Variants in NELFA observed in about 807,000 individuals in gnomAD.
NELFA encodes negative elongation factor A.
A neutral mutation model predicts 51.8 loss-of-function variants in NELFA; 35 were observed. That is an observed-to-expected ratio of 0.68 (90% confidence interval 0.52 to 0.90). The LOEUF (loss-of-function observed/expected upper bound fraction) is 0.90. Among genes scored for constraint, NELFA ranks in the 40% least tolerant of loss-of-function variants. The pLI, the probability that NELFA is intolerant of heterozygous loss-of-function variation, is 0.00. For synonymous variants in NELFA, 417 were observed against 338.4 expected, an observed-to-expected ratio of 1.23 and a Z score of -2.55; for missense variants, 658 against 746.4, an observed-to-expected ratio of 0.88 and a Z score of 1.38.
At chr4:2,006,134 A>G (rs1728704133) in intron 1 of NELFA, among the ~76,000 whole-genome samples, 1 of 152,254 alleles carries the variant, frequency 6.6e-6, no homozygotes, top group African/African-American at 2.4e-5. Flanking sequence ...GGTTATTAGC[A>G]CATCGATATG....
In NELFA at chr4:1,983,410, G is replaced by T. The variant is rs1467044454; in HGVS notation, c.1496C>A (p.Thr499Asn). ...CTCAAACACTGTGTCCACCAGCATG[G>T]TTGTGCTACCCTGGCCGTCCGCCTT... is the stretch of plus-strand genomic sequence containing the variant. ...LPKADGQGST[T>N]MLVDTVFEMN... Residue 499 changes from threonine (T) to asparagine (N), a missense_variant, in exon 11 of 11, where the codon ACC becomes AAC. By Grantham distance (65) the Thr-to-Asn change is moderately conservative (BLOSUM62 0). This residue lies in a region of NELFA where 87 missense variants were observed against 130.2 expected (regional missense o/e 0.67). Transcript: ENST00000382882. The T allele has an allele frequency of 6.2e-7, 1 of 1,614,224 alleles. No homozygotes were observed. The highest frequency in any genetic ancestry group is 8.5e-7 in the Non-Finnish European group (1 of 1,180,046).
intron 4 of NELFA, among the ~76,000 whole-genome samples, chr4:1,986,882 C>T (rs1384712763): frequency 2.6e-5 from 4 of 152,164 alleles, no homozygotes; most frequent in African/African-American, 9.7e-5. Context: ...GGAGAGAGGA[C>T]GCCCGGGGGA....
intron 1 of NELFA, among the ~76,000 whole-genome samples, chr4:2,000,519 A>T (rs1198088567): frequency 1.3e-5 from 2 of 152,186 alleles, no homozygotes; most frequent in African/African-American, 4.8e-5. Context: ...AATACTATAA[A>T]CACCTCTACA....
intron 1 of NELFA, among the ~76,000 whole-genome samples, chr4:2,005,211 C>G (rs564507418): frequency 4.6e-5 from 7 of 151,868 alleles, no homozygotes; most frequent in Non-Finnish European, 8.8e-5. Flanking sequence ...TTAAAGACAA[C>G]AGGAAACATA....
chr4:1,984,959 T>A, intron 7 of NELFA, 40 bp from the exon 8 acceptor site: 1 of 1,450,178 alleles, frequency 6.9e-7, no homozygotes, highest in South Asian at 1.3e-5. Flanking sequence ...GAAGAGGCCA[T>A]GCTTCCGGCA....
In NELFA at chr4:1,982,755, GATAGTT is replaced by G. The variant is rs1320815423; in HGVS notation, c.*558_*563del. ...AGAAAAGCTCGACTTTAATGGTTCAGATAGTTTTACAATGAAAATAGGTACCCAAAG... is the reference window on the plus strand; with the variant it reads ...AGAAAAGCTCGACTTTAATGGTTCAGTTACAATGAAAATAGGTACCCAAAG... On this transcript the variant is annotated 3_prime_UTR_variant, in exon 11 of 11. Coordinates refer to ENST00000382882, the MANE Select transcript of NELFA (RefSeq NM_005663.5). The G allele has an allele frequency of 6.6e-6, 1 of 152,448 alleles. No homozygotes were observed. Among genetic ancestry groups the G allele is most frequent in the Non-Finnish European group, 1.5e-5 (1 of 68,048 alleles). The allele number at this position is 152,448 out of a possible 1,614,324, so 9.4% of individuals were successfully genotyped here. A position where few individuals can be genotyped will look rare whatever the true frequency, so the allele number is the denominator to read the frequency against.
chr4:1,986,087 C>G (rs2234566), intron 6 of NELFA, 27 bp downstream of exon 6: 103 of 1,548,414 alleles, frequency 6.7e-5, no homozygotes, highest in Middle Eastern at 5.0e-4. Flanking sequence ...CCCCCATTGC[C>G]GCCGACACGC....
intron 2 of NELFA, among the ~76,000 whole-genome samples, 155 bp downstream of exon 2, chr4:1,991,389 T>C (rs895794592): frequency 2.0e-5 from 3 of 152,132 alleles, no homozygotes; most frequent in Non-Finnish European, 4.4e-5. Context: ...GGCAGCAGCT[T>C]ACGGGGGAGG....
chr4:1,983,598 C>T lies in NELFA; in HGVS notation c.1400G>A (p.Arg467Gln), dbSNP rs1381568009. ...ALILGFMAGS[R>Q]ENPCQEQGDV... ...CAGGCCCTGCCTTATGAACATACCT[C>T]GGGAGCCGGCCATGAAGCCCAGGAT... is the stretch of plus-strand genomic sequence containing the variant. Residue 467 changes from arginine to glutamine, a missense_variant and splice_region_variant, in exon 10 of 11, where the codon CGA becomes CAA. Arg to Gln is a conservative substitution (Grantham distance 43). This residue lies in a region of NELFA where 87 missense variants were observed against 130.2 expected (regional missense o/e 0.67). Coordinates refer to ENST00000382882, the MANE Select transcript of NELFA (RefSeq NM_005663.5). 2 of 1,613,798 alleles carry T rather than the reference C, an allele frequency of 1.2e-6. No individual in the cohort carries two copies. Among genetic ancestry groups the T allele is most frequent in the Non-Finnish European group, 8.5e-7 (1 of 1,179,946 alleles).
chr4:2,004,998 C>T (rs1272336937), intron 1 of NELFA, among the ~76,000 whole-genome samples: 2 of 150,522 alleles, frequency 1.3e-5, no homozygotes, highest in Admixed American at 6.7e-5. Flanking sequence ...TCTTTAGAGA[C>T]GGGGTTTCAC....
chr4:1,983,562 C>G (rs374986242), intron 10 of NELFA, 34 bp downstream of exon 10: 6 of 1,611,828 alleles, frequency 3.7e-6, no homozygotes, highest in Admixed American at 3.3e-5. Flanking sequence ...CAACCCGGCC[C>G]GGTGCACCCC....
In NELFA at chr4:1,983,276, C is replaced by T. The variant is rs370721965; in HGVS notation, c.*43G>A. On this transcript the variant is annotated 3_prime_UTR_variant, in exon 11 of 11. Transcript: ENST00000382882. The stretch of plus-strand genomic sequence containing the variant: ...CTTTAAGCTGGCAAAGCCATCGTCC[C>T]GTGGACCCCCACAAGTGACGGCCAG... The T allele has an allele frequency of 2.2e-5, 34 of 1,578,652 alleles. No homozygotes were observed. The highest frequency in any genetic ancestry group is 1.5e-4 in the African/African-American group (11 of 74,408).
At chr4:2,005,398 G>A (rs1457627619) in intron 1 of NELFA, among the ~76,000 whole-genome samples, 1 of 152,080 alleles carries the variant, frequency 6.6e-6, no homozygotes, top group African/African-American at 2.4e-5. Flanking sequence ...AAAAAATTTT[G>A]CAACTAGCAA....
intron 3 of NELFA, among the ~76,000 whole-genome samples, chr4:1,988,400 G>A (rs942150398): frequency 6.6e-6 from 1 of 152,268 alleles, no homozygotes; most frequent in African/African-American, 2.4e-5. Context: ...AGAAACAAAC[G>A]AAGAGATATT....
In NELFA at chr4:1,983,313, G is replaced by C; in HGVS notation, c.*6C>G. 2 of 1,607,418 alleles carry C rather than the reference G, an allele frequency of 1.2e-6. No homozygotes were observed. The highest frequency in any genetic ancestry group is 1.7e-6 in the Non-Finnish European group (2 of 1,174,826). On this transcript the variant is annotated 3_prime_UTR_variant, in exon 11 of 11. Transcript: ENST00000382882. ...CAAGTGACGGCCAGCTGTGAGGCAG[G>C]TGGTTCTAGGACACATTGGTCATGG...
chr4:1,992,564 G>A (rs1728304277), intron 1 of NELFA: 1 of 331,066 alleles, frequency 3.0e-6, no homozygotes, highest in South Asian at 2.1e-5. Flanking sequence ...CGCTGGGGGT[G>A]AACAACAGCG....
intron 9 of NELFA, 25 bp from the exon 10 acceptor site, chr4:1,983,720 T>TGCCAGGGCCCC: frequency 1.2e-6 from 2 of 1,611,922 alleles, no homozygotes; most frequent in Non-Finnish European, 1.7e-6. Flanking sequence ...GGGGTGTGGG[T>TGCCAGGGCCCC]GCCAGGGCCC....
At chr4:2,008,369 G>A (rs1253613959) in intron 1 of NELFA, among the ~76,000 whole-genome samples, 8 of 151,756 alleles carry the variant, frequency 5.3e-5, no homozygotes, top group Middle Eastern at 6.8e-3. Flanking sequence ...CCCGGGGCCC[G>A]GCGGGGAGGA....
At chr4:1,983,721 G>T in intron 9 of NELFA, 26 bp from the exon 10 acceptor site, 2 of 1,611,364 alleles carry the variant, frequency 1.2e-6, no homozygotes, top group Non-Finnish European at 1.7e-6. Flanking sequence ...GGGTGTGGGT[G>T]CCAGGGCCCC....
Sources: allele counts gnomAD v4.1 joint callset (sites outside exome capture counted in the v4.1 genomes callset), GRCh38; gene constraint gnomAD v4.1.1; regional missense constraint gnomAD v4.1.1; transcripts MANE v1.5; gene names NCBI Gene and HGNC (gene_info 2026-07-23, HGNC 2026-07-21).